The following DOK6 variants were observed in gnomAD, a reference collection of about 807,000 sequenced individuals.
DOK6 encodes the protein downstream of tyrosine kinase 6.
A neutral mutation model predicts 44.0 loss-of-function variants in DOK6; 22 were observed. The observed-to-expected ratio is 0.50, with a 90% CI of 0.36 to 0.71. The LOEUF is 0.71. DOK6 is among the 30% of genes least tolerant of loss of function. The pLI is 0.00. For synonymous variants in DOK6, 166 were observed against 145.5 expected, an observed-to-expected ratio of 1.14 and a Z score of -1.01; for missense variants, 340 against 416.4, an observed-to-expected ratio of 0.82 and a Z score of 1.60.
At chr18:69,431,927 TTATC>T (rs1327816105) in intron 1 of DOK6, among the ~76,000 whole-genome samples, 5 of 152,360 alleles carry the variant, frequency 3.3e-5, no homozygotes, top group Admixed American at 2.0e-4. Context: ...CACAGAATAA[TTATC>T]TATCTTAATT....
chr18:69,539,207 A>G lies in DOK6; in HGVS notation c.67-25280A>G, dbSNP rs1298552976. On this transcript the variant is annotated intron_variant, in intron 1 of 7. Coordinates refer to ENST00000382713, the MANE Select transcript of DOK6 (RefSeq NM_152721.6). ...TTGTCAATATAAATTTAAAAAAACA[A>G]CACCTCACATACCTCTGTCAAGCAT... 2.6e-5 allele frequency among the ~76,000 whole-genome samples: 4 copies of G among 152,214 alleles called. No individual in the cohort carries two copies. In the East Asian group the frequency reaches 5.8e-4, roughly 22 times the overall value.
intron 1 of DOK6, among the ~76,000 whole-genome samples, chr18:69,424,571 CTA>C (rs1978584246): frequency 6.6e-6 from 1 of 152,136 alleles, no homozygotes. Flanking sequence ...TTATAGTCTT[CTA>C]TGTCTTACTA....
At chr18:69,487,612 A>G (rs1980621305) in intron 1 of DOK6, among the ~76,000 whole-genome samples, 2 of 152,162 alleles carry the variant, frequency 1.3e-5, no homozygotes, top group Non-Finnish European at 2.9e-5. Context: ...GGAATGTTCC[A>G]TCGATGTTTA....
intron 4 of DOK6, among the ~76,000 whole-genome samples, chr18:69,685,680 G>A (rs1168242302): frequency 5.9e-5 from 9 of 152,008 alleles, no homozygotes. Flanking sequence ...TGAAATTTGG[G>A]GGTAATGTAC....
At chr18:69,416,505 G>C (rs1293007000) in intron 1 of DOK6, among the ~76,000 whole-genome samples, 3 of 152,074 alleles carry the variant, frequency 2.0e-5, no homozygotes. Context: ...TCAAAGTGAG[G>C]ACTTTACATC....
chr18:69,754,142 T>C (rs573645731), intron 6 of DOK6, among the ~76,000 whole-genome samples: 2 of 152,160 alleles, frequency 1.3e-5, no homozygotes, highest in Admixed American at 6.5e-5. Flanking sequence ...CATTATAATA[T>C]GAAAATAGTT....
At chr18:69,735,501 C>A (rs1022761266) in intron 5 of DOK6, among the ~76,000 whole-genome samples, 2 of 152,250 alleles carry the variant, frequency 1.3e-5, no homozygotes, top group African/African-American at 4.8e-5. Context: ...CCTTCCAAGG[C>A]CCCTCCCAGT....
intron 1 of DOK6, among the ~76,000 whole-genome samples, chr18:69,513,788 A>G (rs12454783): frequency 0.41 from 61,671 of 152,046 alleles, 13,506 homozygotes; most frequent in Non-Finnish European, 0.49. Context: ...CCAAAGGATG[A>G]ACATGCTTCT....
intron 7 of DOK6, among the ~76,000 whole-genome samples, chr18:69,822,338 C>A (rs1277664948): frequency 1.3e-5 from 2 of 152,182 alleles, no homozygotes; most frequent in African/African-American, 2.4e-5. Flanking sequence ...TGGATGTTGG[C>A]AGAAGACATG....
chr18:69,499,217 G>A (rs1211969755), intron 1 of DOK6, among the ~76,000 whole-genome samples: 2 of 151,696 alleles, frequency 1.3e-5, no homozygotes, highest in Non-Finnish European at 2.9e-5. Flanking sequence ...ACATATATAT[G>A]TGTGTATGTA....
At chr18:69,770,004 G>A (rs954078190) in intron 7 of DOK6, among the ~76,000 whole-genome samples, 3 of 152,226 alleles carry the variant, frequency 2.0e-5, no homozygotes, top group Admixed American at 2.0e-4. Flanking sequence ...ATTTTATTGA[G>A]CAACCTTCTA....
chr18:69,693,102 A>G (rs1229545956), intron 4 of DOK6, among the ~76,000 whole-genome samples: 3 of 152,172 alleles, frequency 2.0e-5, no homozygotes, highest in Non-Finnish European at 4.4e-5. Flanking sequence ...AGGAGTTCAC[A>G]TGTACTTACT....
At chr18:69,512,694 G>T (rs116638980) in intron 1 of DOK6, among the ~76,000 whole-genome samples, 5 of 152,124 alleles carry the variant, frequency 3.3e-5, no homozygotes, top group African/African-American at 1.2e-4. Context: ...AATAGTGGGG[G>T]TGGGGGAAGG....
At chr18:69,523,693 CTT>C (rs1981750830) in intron 1 of DOK6, among the ~76,000 whole-genome samples, 1 of 150,952 alleles carries the variant, frequency 6.6e-6, no homozygotes, top group South Asian at 2.1e-4. Flanking sequence ...TTTCTTGTCT[CTT>C]TGGTGTTATT....
chr18:69,547,924 AATATATAATATATATATAAT>A (rs1568292863), intron 1 of DOK6, among the ~76,000 whole-genome samples: 1 of 144,448 alleles, frequency 6.9e-6, no homozygotes, highest in Non-Finnish European at 1.5e-5. Context: ...ATCTATATAT[AATATATAATATATATATAAT>A]ATATATAAAA....
At position 69,843,573 on chromosome 18, in the gene DOK6, G is replaced by A. The variant is rs552207108; in HGVS notation, c.*2190G>A. The A allele has an allele frequency of 2.0e-5, 3 of 152,360 alleles. No individual in the cohort carries two copies. The highest frequency in any genetic ancestry group is 1.9e-4 in the East Asian group (1 of 5,186). 9.4% of individuals were successfully genotyped at this position (152,360 alleles called of 1,614,324 possible). On this transcript the variant is annotated 3_prime_UTR_variant, in exon 8 of 8. Transcript: ENST00000382713. ...TTCATGTGCTGGAAGCACAAACAGCGAGTCCAGGGAGGGATTCTGCTAATC... is the reference window on the plus strand; with the variant it reads ...TTCATGTGCTGGAAGCACAAACAGCAAGTCCAGGGAGGGATTCTGCTAATC...
At position 69,512,694 on chromosome 18, in the gene DOK6, G is replaced by C. The variant is rs116638980; in HGVS notation, c.67-51793G>C. On this transcript the variant is annotated intron_variant, in intron 1 of 7. Transcript: ENST00000382713. ...AAACAGTTCGTTTTTAATAGTGGGG[G>C]TGGGGGAAGGAATCCTGAGTATTAG... Among the ~76,000 whole-genome samples the C allele has an allele frequency of 4.8e-3, 727 of 152,242 alleles. 7 individuals are homozygous for C. Among genetic ancestry groups the C allele is most frequent in the African/African-American group, 0.013 (549 of 41,558 alleles).
At chr18:69,836,113 T>C (rs1414007362) in intron 7 of DOK6, among the ~76,000 whole-genome samples, 6 of 152,244 alleles carry the variant, frequency 3.9e-5, no homozygotes, top group Non-Finnish European at 2.9e-5. Context: ...TCTCCATTTT[T>C]TCTTCCATTC....
intron 3 of DOK6, among the ~76,000 whole-genome samples, chr18:69,647,114 C>T (rs1023986009): frequency 1.3e-5 from 2 of 151,108 alleles, no homozygotes; most frequent in Non-Finnish European, 3.0e-5. Context: ...GTCTATCTAT[C>T]CTATCTGTCT....
Sources: gnomAD v4.1 joint callset for allele counts (sites outside exome capture counted in the v4.1 genomes callset) on GRCh38, gnomAD v4.1.1 for gene constraint, MANE v1.5 for transcripts, NCBI Gene and HGNC (gene_info 2026-07-23, HGNC 2026-07-21) for gene names.